The following HSD17B12 variants were observed in gnomAD, a reference collection of about 807,000 sequenced individuals.
The protein encoded by HSD17B12 is very-long-chain 3-oxoacyl-CoA reductase.
HSD17B12 carries 32 observed loss-of-function variants against 39.3 expected under a neutral mutation model. The observed-to-expected ratio is 0.81, with a 90% CI of 0.61 to 1.09. The LOEUF (loss-of-function observed/expected upper bound fraction) is 1.09. Among genes scored for constraint, HSD17B12 ranks in the 50% least tolerant of loss-of-function variants. HSD17B12 has a pLI of 0.00. For synonymous variants in HSD17B12, 150 were observed against 146.7 expected, an observed-to-expected ratio of 1.02 and a Z score of -0.16; for missense variants, 342 against 382.9, an observed-to-expected ratio of 0.89 and a Z score of 0.89.
the HSD17B12 span, among the ~76,000 whole-genome samples, chr11:43,662,509 T>C: frequency 1.3e-5 from 2 of 148,154 alleles, no homozygotes; most frequent in African/African-American, 2.5e-5. Flanking sequence ...CCCCCCAAAG[T>C]TGGCCACATC....
chr11:43,713,030 C>T lies in HSD17B12; in HGVS notation c.160+32043C>T, dbSNP rs950415869. ...AAAATTCAGTAATTTGATGTGAAAC[C>T]TATGTTTTACTCATTGAAGGCACTG... is the stretch of plus-strand genomic sequence containing the variant. On this transcript the variant is annotated intron_variant, in intron 1 of 10. Transcript: ENST00000278353. 3.3e-5 allele frequency among the ~76,000 whole-genome samples: 5 copies of T among 152,116 alleles called. No homozygotes were observed. The East Asian group carries it at 9.6e-4, about 29-fold the overall frequency.
Position 43,855,337 on chromosome 11 carries a change from T to A in HSD17B12, c.*89T>A. On this transcript the variant is annotated 3_prime_UTR_variant, in exon 11 of 11. Transcript: ENST00000278353. The stretch of plus-strand genomic sequence containing the variant: ...CCCTACTGGTTTTGAAAATCTGACC[T>A]TGTCATTTCAATAGTTATTAACATG... 2.9e-6 allele frequency: 2 copies of A among 680,736 alleles called. No homozygotes were observed. Among genetic ancestry groups the A allele is most frequent in the Non-Finnish European group, 4.9e-6 (2 of 410,722 alleles). The allele number at this position is 680,736 out of a possible 1,614,324, so 42.2% of individuals were successfully genotyped here.
intron 9 of HSD17B12, 78 bp from the exon 10 acceptor site, chr11:43,854,637 C>G: frequency 6.8e-7 from 1 of 1,479,186 alleles, no homozygotes; most frequent in Non-Finnish European, 9.3e-7. Context: ...TAAGAGCAGT[C>G]AAGCACCACT....
rs1950704530 is a variant in HSD17B12, at chr11:43,776,409, A to C, written c.284-21911A>C. 2.0e-5 allele frequency among the ~76,000 whole-genome samples: 3 copies of C among 152,178 alleles called. No homozygotes were observed. In the South Asian group the frequency reaches 6.2e-4, roughly 32 times the overall value. On this transcript the variant is annotated intron_variant, in intron 3 of 10. Coordinates refer to ENST00000278353, the MANE Select transcript of HSD17B12 (RefSeq NM_016142.3). The stretch of plus-strand genomic sequence containing the variant: ...TTGGCTGCATAAATGTCTTCTTTTG[A>C]GAAGTGTCTGTTCATGTCCTTCGCC...
chr11:43,575,642 G>T, the HSD17B12 span, among the ~76,000 whole-genome samples: 3 of 152,216 alleles, frequency 2.0e-5, no homozygotes, highest in African/African-American at 7.2e-5. The surrounding 1 kb of genome is among the most constrained non-coding windows in gnomAD (Gnocchi z 4.1). Flanking sequence ...CTGCTCAGTG[G>T]CTGCGTGGAA....
chr11:43,739,989 A>G (rs532965820), intron 1 of HSD17B12, among the ~76,000 whole-genome samples: 1 of 152,182 alleles, frequency 6.6e-6, no homozygotes, highest in African/African-American at 2.4e-5. Flanking sequence ...GTAGAGATTG[A>G]ATTGGAGAGG....
intron 9 of HSD17B12, among the ~76,000 whole-genome samples, chr11:43,841,994 A>G (rs865778364): frequency 1.3e-5 from 2 of 152,280 alleles, no homozygotes; most frequent in Middle Eastern, 6.8e-3. Flanking sequence ...TTTTAATTGC[A>G]GAAATTGGGG....
At chr11:43,734,131 C>G in intron 1 of HSD17B12, 1 of 1,428,684 alleles carries the variant, frequency 7.0e-7, no homozygotes, top group Non-Finnish European at 9.8e-7. Flanking sequence ...ACTACCAAAT[C>G]AAGTCAGTGG....
the HSD17B12 span, among the ~76,000 whole-genome samples, chr11:43,619,245 A>T: frequency 6.4e-3 from 451 of 70,694 alleles, 5 homozygotes; most frequent in South Asian, 0.011. Flanking sequence ...ATATATATAA[A>T]ATATATATAT....
At chr11:43,737,709 C>T (rs970387227) in intron 1 of HSD17B12, among the ~76,000 whole-genome samples, 5 of 152,114 alleles carry the variant, frequency 3.3e-5, no homozygotes, top group Admixed American at 1.3e-4. Flanking sequence ...AACTTATCCA[C>T]GTATTTCATA....
intron 7 of HSD17B12, among the ~76,000 whole-genome samples, chr11:43,836,422 C>T (rs566973371): frequency 1.3e-5 from 2 of 152,140 alleles, no homozygotes; most frequent in Non-Finnish European, 2.9e-5. Flanking sequence ...GATACAATAG[C>T]TCTCTTAGTT....
At chr11:43,571,536 G>T in the HSD17B12 span, among the ~76,000 whole-genome samples, 2 of 152,196 alleles carry the variant, frequency 1.3e-5, no homozygotes, top group Admixed American at 6.5e-5. Flanking sequence ...CCTATCATCT[G>T]GTTCTCCAAG....
chr11:43,592,674 T>C, the HSD17B12 span, among the ~76,000 whole-genome samples: 6 of 152,306 alleles, frequency 3.9e-5, no homozygotes, highest in African/African-American at 4.8e-5. Flanking sequence ...AGGCACAACC[T>C]GGGTATAGTC....
At chr11:43,759,191 CT>C (rs1275028856) in intron 3 of HSD17B12, among the ~76,000 whole-genome samples, 1 of 151,280 alleles carries the variant, frequency 6.6e-6, no homozygotes. Context: ...AAATCAAGGA[CT>C]TTTTTTTTGG....
the HSD17B12 span, among the ~76,000 whole-genome samples, chr11:43,638,053 T>TGGGAGG: frequency 6.6e-6 from 1 of 152,082 alleles, no homozygotes; most frequent in Admixed American, 6.6e-5. Flanking sequence ...CATCAGTGTC[T>TGGGAGG]GGGAGGGGGA....
intron 4 of HSD17B12, among the ~76,000 whole-genome samples, chr11:43,814,197 G>A (rs538259226): frequency 6.6e-6 from 1 of 152,026 alleles, no homozygotes; most frequent in Non-Finnish European, 1.5e-5. Context: ...ACTGGATAAA[G>A]GTGTGTGAAG....
chr11:43,746,806 C>T (rs1194022360), intron 1 of HSD17B12, among the ~76,000 whole-genome samples: 12 of 152,096 alleles, frequency 7.9e-5, no homozygotes, highest in Non-Finnish European at 1.5e-4. Flanking sequence ...TAATGCATTA[C>T]GTTATGACAT....
intron 1 of HSD17B12, among the ~76,000 whole-genome samples, chr11:43,739,746 G>A (rs1950347693): frequency 6.6e-6 from 1 of 152,182 alleles, no homozygotes; most frequent in African/African-American, 2.4e-5. Context: ...ATAGCAGAGT[G>A]TACGTTGGAG....
rs114746159 is a variant in HSD17B12, at chr11:43,821,140, T to C, written c.501+4749T>C. 4.2e-3 allele frequency among the ~76,000 whole-genome samples: 640 copies of C among 152,318 alleles called. 8 individuals are homozygous for C. Among genetic ancestry groups the C allele is most frequent in the African/African-American group, 0.014 (593 of 41,566 alleles). On this transcript the variant is annotated intron_variant, in intron 6 of 10. Coordinates refer to ENST00000278353, the MANE Select transcript of HSD17B12 (RefSeq NM_016142.3). Reference sequence around the variant, plus strand: ...TAAGCAGTTCTTCCAGGCCACTTAGTTCTCCAGTTTCATCCGATGGTTTTA... The same window carrying C: ...TAAGCAGTTCTTCCAGGCCACTTAGCTCTCCAGTTTCATCCGATGGTTTTA...
Sources: allele counts gnomAD v4.1 joint callset (sites outside exome capture counted in the v4.1 genomes callset), GRCh38; gene constraint gnomAD v4.1.1; non-coding constraint Gnocchi (gnomAD v3.1); transcripts MANE v1.5; gene names NCBI Gene and HGNC (gene_info 2026-07-23, HGNC 2026-07-21).